ATP13A1: variants seen among roughly 807,000 people sequenced by gnomAD.
ATP13A1 encodes the protein endoplasmic reticulum transmembrane helix translocase.
A neutral mutation model predicts 134.8 loss-of-function variants in ATP13A1; 55 were observed. The ratio of observed to expected loss-of-function variants is 0.41; its 90% CI spans 0.33 to 0.51. ATP13A1 has a LOEUF of 0.51. Ranked by LOEUF, ATP13A1 falls within the 20% of genes least tolerant of loss-of-function variation. The pLI is 0.29. For synonymous variants in ATP13A1, 775 were observed against 725.1 expected (o/e 1.07, Z -1.10); for missense variants, 1,389 against 1,652.8 (o/e 0.84, Z 2.77).
intron 4 of ATP13A1, 89 bp from the exon 5 acceptor site, chr19:19,657,238 G>A: frequency 6.7e-7 from 1 of 1,490,258 alleles, no homozygotes; most frequent in South Asian, 1.3e-5. Context: ...GTGAGGGTGG[G>A]GAGAGGCTTC....
intron 12 of ATP13A1, 92 bp from the exon 13 acceptor site, chr19:19,654,792 T>A: frequency 7.0e-7 from 1 of 1,433,118 alleles, no homozygotes. Context: ...GGCCATTCAT[T>A]CCGTGCTTGT....
intron 1 of ATP13A1, among the ~76,000 whole-genome samples, chr19:19,661,770 A>T (rs2145023921): frequency 6.6e-6 from 1 of 152,282 alleles, no homozygotes; most frequent in South Asian, 2.1e-4. Context: ...AGCTGCATGG[A>T]GATGGGGGGA....
intron 1 of ATP13A1, 103 bp downstream of exon 1, chr19:19,663,168 A>C (rs575729491): frequency 6.7e-7 from 1 of 1,493,958 alleles, no homozygotes; most frequent in Admixed American, 2.0e-5. Context: ...GGCCAGGCAG[A>C]TGAGTGGCCC....
chr19:19,649,717 T>C (rs2062011730), intron 18 of ATP13A1, 24 bp downstream of exon 18: 1 of 1,612,910 alleles, frequency 6.2e-7, no homozygotes, highest in Non-Finnish European at 8.5e-7. Flanking sequence ...GCTGTGCCCC[T>C]GACCCCTAGG....
rs766597319 is a variant in ATP13A1 at position 19,655,403 on chromosome 19, G to C, written c.1447C>G (p.Leu483Val). ...GGAGGCACGACCGAGGTGAGGATCA[G>C]GGTGCACTCCAGAAACAGCTTGTAG... The part of the protein sequence containing the change: ...NRYKLFLECT[L>V]ILTSVVPPEL... Residue 483 changes from leucine (L) to valine (V), a missense_variant, in exon 11 of 26, where the codon CTG (leucine) becomes GTG (valine). By Grantham distance (32) the Leu-to-Val change is conservative (BLOSUM62 1). This residue lies in a region of ATP13A1 where 747 missense variants were observed against 956.1 expected (regional missense o/e 0.78). Transcript: ENST00000357324. The surrounding 1 kb of genome is among the most constrained non-coding windows in gnomAD (Gnocchi z 5.7). The C allele has an allele frequency of 1.2e-6, 2 of 1,614,012 alleles. No individual in the cohort carries two copies. Among genetic ancestry groups the C allele is most frequent in the Non-Finnish European group, 1.7e-6 (2 of 1,179,888 alleles).
In ATP13A1 at chr19:19,655,102, G is replaced by A. The variant is rs1467389218; in HGVS notation, c.1655+17C>T. On this transcript the variant is annotated intron_variant, in intron 12 of 25. Coordinates refer to ENST00000357324, the MANE Select transcript of ATP13A1 (RefSeq NM_020410.3). This position sits in a 1 kb window ranked among gnomAD's most constrained non-coding sequence, Gnocchi z 5.7. ...CCCCATCTGGGTGACCTTTGCTGCAGGGCCCCTGATGCTTACCTCAGCCCG... is the reference window on the plus strand; with the variant it reads ...CCCCATCTGGGTGACCTTTGCTGCAAGGCCCCTGATGCTTACCTCAGCCCG... 1.9e-6 allele frequency: 3 copies of A among 1,613,142 alleles called. No individual in the cohort carries two copies. Among genetic ancestry groups the A allele is most frequent in the South Asian group, 1.1e-5 (1 of 90,976 alleles).
intron 1 of ATP13A1, 154 bp downstream of exon 1, chr19:19,663,117 T>C: frequency 8.7e-7 from 1 of 1,154,366 alleles, no homozygotes; most frequent in Non-Finnish European, 1.3e-6. Context: ...GGGTCATGAT[T>C]AAGCCTGCGC....
rs777998303 is a variant in ATP13A1, at chr19:19,647,502, G to A, written c.2820C>T (p.Asp940=). Residue 940 remains aspartate, a synonymous_variant, in exon 21 of 26, where the codon GAC becomes GAT. Coordinates refer to ENST00000357324, the MANE Select transcript of ATP13A1 (RefSeq NM_020410.3). The surrounding 1 kb of genome is among the most constrained non-coding windows in gnomAD (Gnocchi z 4.8). ...CAATGGGCGTACTCTCGTCCTCGAG[G>A]TCTCGCAGCACCTGGCTCAGGCGGT... is the stretch of plus-strand genomic sequence containing the variant. ...QRDRLSQVLR[D]LEDESTPIVK... The A allele has an allele frequency of 6.2e-7, 1 of 1,613,196 alleles. No homozygotes were observed. The highest frequency in any genetic ancestry group is 1.7e-5 in the Admixed American group (1 of 59,876).
At chr19:19,654,915 G>C (rs1439530504) in intron 12 of ATP13A1, among the ~76,000 whole-genome samples, 1 of 152,206 alleles carries the variant, frequency 6.6e-6, no homozygotes, top group Admixed American at 6.5e-5. Context: ...TGGCTGGTGT[G>C]GGATGTTCCA....
intron 19 of ATP13A1, among the ~76,000 whole-genome samples, chr19:19,648,581 G>A (rs1323918404): frequency 6.6e-6 from 1 of 151,640 alleles, no homozygotes; most frequent in East Asian, 1.9e-4. Context: ...GGCCAACACA[G>A]GCGCATCATC....
At chr19:19,657,443 C>A in intron 3 of ATP13A1, 35 bp from the exon 4 acceptor site, 2 of 1,547,850 alleles carry the variant, frequency 1.3e-6, no homozygotes, top group Non-Finnish European at 1.7e-6. Context: ...GTTCCCAGGG[C>A]AAGGCCTCTG....
intron 1 of ATP13A1, 71 bp from the exon 2 acceptor site, chr19:19,660,058 T>C: frequency 2.2e-6 from 3 of 1,373,272 alleles, no homozygotes; most frequent in Non-Finnish European, 3.0e-6. Flanking sequence ...CCCCGGGAGG[T>C]TTTGGGTGCA....
chr19:19,645,964 C>T lies in ATP13A1; in HGVS notation c.3270G>A (p.Leu1090=). ...CCAGGCTTGGCTCAAACTCCTTGTA[C>T]AAGTCCACGAACTGCTCCTGCCTGC... ...SPEKQEQFVD[L]YKEFEPSLVN... The change falls in exon 24 of 26, where the codon TTG becomes TTA. Residue 1090 remains leucine (L), a synonymous_variant. Coordinates refer to ENST00000357324, the MANE Select transcript of ATP13A1 (RefSeq NM_020410.3). This position sits in a 1 kb window ranked among gnomAD's most constrained non-coding sequence, Gnocchi z 4.1. The T allele has an allele frequency of 1.2e-6, 2 of 1,612,828 alleles. No homozygotes were observed. Among genetic ancestry groups the T allele is most frequent in the Non-Finnish European group, 8.5e-7 (1 of 1,179,870 alleles).
In ATP13A1 at chr19:19,647,758, ACCTGGGGGGCAGGAGGGTGTCAGAC is replaced by A; in HGVS notation, c.2633-24_2633del. On this transcript the variant is annotated splice_acceptor_variant and splice_polypyrimidine_tract_variant and coding_sequence_variant and intron_variant, in exon 20 of 26. Coordinates refer to ENST00000357324, the MANE Select transcript of ATP13A1 (RefSeq NM_020410.3). LOFTEE classifies it high-confidence loss of function. This position sits in a 1 kb window ranked among gnomAD's most constrained non-coding sequence, Gnocchi z 4.8. ...CAGGGGCATTGGCCAAGAGCGCCAC[ACCTGGGGGGCAGGAGGGTGTCAGAC>A]CCGGAGGAGCAGGCTCCACGGAGGG... 1 of 1,592,856 alleles carries A rather than the reference ACCTGGGGGGCAGGAGGGTGTCAGAC, an allele frequency of 6.3e-7. No individual in the cohort carries two copies. Among genetic ancestry groups the A allele is most frequent in the Non-Finnish European group, 8.5e-7 (1 of 1,174,666 alleles).
Position 19,645,241 on chromosome 19 carries a change from C to A in ATP13A1, c.*181G>T. 1.5e-6 allele frequency: 1 copy of A among 659,192 alleles called. No homozygotes were observed. Among genetic ancestry groups the A allele is most frequent in the South Asian group, 1.9e-5 (1 of 51,508 alleles). 40.8% of individuals were successfully genotyped at this position (659,192 alleles called of 1,614,324 possible). A position where few individuals can be genotyped will look rare whatever the true frequency, so the allele number is the denominator to read the frequency against. Reference sequence around the variant, plus strand: ...CTGCTTTATTTACCAAAGGTGCTGGCTTGGGGCTGGTTCTGCTGGCCAAGC... The same window carrying A: ...CTGCTTTATTTACCAAAGGTGCTGGATTGGGGCTGGTTCTGCTGGCCAAGC... On this transcript the variant is annotated 3_prime_UTR_variant, in exon 26 of 26. Coordinates refer to ENST00000357324, the MANE Select transcript of ATP13A1 (RefSeq NM_020410.3). This position sits in a 1 kb window ranked among gnomAD's most constrained non-coding sequence, Gnocchi z 4.1.
intron 16 of ATP13A1, among the ~76,000 whole-genome samples, chr19:19,652,276 G>GTGCCCCCCACCCAA (rs2062029310): frequency 1.3e-5 from 2 of 152,116 alleles, no homozygotes; most frequent in African/African-American, 4.8e-5. Flanking sequence ...CAGGCAGACA[G>GTGCCCCCCACCCAA]TGCCCCCCAC....
In ATP13A1 at chr19:19,651,786, G is replaced by T. The variant is rs751754379; in HGVS notation, c.2238C>A (p.Ile746=). ...ATGCAGTGAGCGGGTTGTCTCCCGT[G>T]ATCATGACCACCTTGGGTAAAGAGG... is the stretch of plus-strand genomic sequence containing the variant. ...IQNASHRVVM[I]TGDNPLTACH... is the part of the protein sequence containing the mutation. Residue 746 remains isoleucine, a synonymous_variant, in exon 17 of 26, where the codon ATC becomes ATA. Coordinates refer to ENST00000357324, the MANE Select transcript of ATP13A1 (RefSeq NM_020410.3). The T allele has an allele frequency of 1.9e-6, 3 of 1,612,454 alleles. No individual in the cohort carries two copies. Among genetic ancestry groups the T allele is most frequent in the Non-Finnish European group, 2.5e-6 (3 of 1,179,196 alleles).
intron 1 of ATP13A1, among the ~76,000 whole-genome samples, chr19:19,660,368 G>A (rs550120428): frequency 1.3e-5 from 2 of 152,302 alleles, no homozygotes; most frequent in East Asian, 3.9e-4. Flanking sequence ...TGTAATACCA[G>A]CTACTTAGGA....
chr19:19,656,791 G>A lies in ATP13A1; in HGVS notation c.977-25C>T. 1.9e-6 allele frequency: 3 copies of A among 1,612,798 alleles called. No individual in the cohort carries two copies. The highest frequency in any genetic ancestry group is 1.7e-6 in the Non-Finnish European group (2 of 1,179,522). On this transcript the variant is annotated intron_variant, in intron 6 of 25. Transcript: ENST00000357324. This position sits in a 1 kb window ranked among gnomAD's most constrained non-coding sequence, Gnocchi z 4.6. ...CCTGCAGGGCAGAGGCAGGAGGGTT[G>A]GCCAGAGGCCCTGAGGCTGGGGCTC...
Sources: allele counts gnomAD v4.1 joint callset (sites outside exome capture counted in the v4.1 genomes callset), GRCh38; gene constraint gnomAD v4.1.1; regional missense constraint gnomAD v4.1.1; non-coding constraint Gnocchi (gnomAD v3.1); transcripts MANE v1.5; gene names NCBI Gene and HGNC (gene_info 2026-07-23, HGNC 2026-07-21).